SCUBE2: variants seen among roughly 807,000 people sequenced by gnomAD.
SCUBE2 encodes signal peptide, CUB domain and EGF like domain containing 2.
A neutral mutation model predicts 125.9 loss-of-function variants in SCUBE2; 114 were observed. That is an observed-to-expected ratio of 0.91 (90% CI 0.78 to 1.06). The LOEUF (loss-of-function observed/expected upper bound fraction) is 1.06. Among genes scored for constraint, SCUBE2 ranks in the 50% least tolerant of loss-of-function variants. The pLI is 0.00. For missense variants in SCUBE2, 1,255 were observed against 1,301.8 expected (o/e 0.96, Z 0.55); for synonymous variants, 459 against 492.9 (o/e 0.93, Z 0.91).
chr11:9,021,291 G>T, intron 22 of SCUBE2, 94 bp from the exon 23 acceptor site: 1 of 1,050,634 alleles, frequency 9.5e-7, no homozygotes, highest in Non-Finnish European at 1.3e-6. Flanking sequence ...TTAGGCCGTA[G>T]CTTGCTTAGC....
Position 9,062,246 on chromosome 11 carries a change from C to G in SCUBE2, c.851-1722G>C, listed in dbSNP as rs543070185. ...TCCAAAAGCTATGTTAAAATAACAG[C>G]CATTGAAAGTTCCAAAAAGCTATGT... On this transcript the variant is annotated intron_variant, in intron 7 of 22. Coordinates refer to ENST00000649792, the MANE Select transcript of SCUBE2 (RefSeq NM_001367977.2). Among the ~76,000 whole-genome samples, 5 of 152,314 alleles carry G rather than the reference C, an allele frequency of 3.3e-5. No homozygotes were observed. In the South Asian group the frequency reaches 6.2e-4, roughly 19 times the overall value.
At position 9,060,505 on chromosome 11, in the gene SCUBE2, A is replaced by T; in HGVS notation, c.870T>A (p.Asn290Lys). 6.2e-7 allele frequency: 1 copy of T among 1,613,876 alleles called. No homozygotes were observed. Among genetic ancestry groups the T allele is most frequent in the Non-Finnish European group, 8.5e-7 (1 of 1,179,860 alleles). Residue 290 changes from asparagine (N) to lysine (K), a missense_variant, in exon 8 of 23, where the codon AAT becomes AAA. Coordinates refer to ENST00000649792, the MANE Select transcript of SCUBE2 (RefSeq NM_001367977.2). ...CCTTACAGGTGCGGTCACAGCCTCCATTGTTGACAGCACACGTTTCTGGCA... is the reference window on the plus strand; with the variant it reads ...CCTTACAGGTGCGGTCACAGCCTCCTTTGTTGACAGCACACGTTTCTGGCA... ...RLLMETCAVN[N>K]GGCDRTCKDT...
At chr11:9,028,776 G>T (rs573411032) in intron 19 of SCUBE2, among the ~76,000 whole-genome samples, 1 of 152,286 alleles carries the variant, frequency 6.6e-6, no homozygotes, top group African/African-American at 2.4e-5. Context: ...GTGCCATAAG[G>T]CTCCCATGGG....
chr11:9,071,302 AAT>A (rs1215833382), intron 4 of SCUBE2, among the ~76,000 whole-genome samples: 1 of 152,204 alleles, frequency 6.6e-6, no homozygotes, highest in Non-Finnish European at 1.5e-5. Context: ...GCCTCAGAGT[AAT>A]TCACCTACAC....
chr11:9,033,510 C>G, intron 17 of SCUBE2, 116 bp downstream of exon 17: 1 of 1,229,934 alleles, frequency 8.1e-7, no homozygotes, highest in East Asian at 2.3e-5. Flanking sequence ...CAACGTGGTC[C>G]CTGCTTGTAG....
At position 9,025,747 on chromosome 11, in the gene SCUBE2, C is replaced by T. The variant is rs1353830448; in HGVS notation, c.2809G>A (p.Gly937Arg). 3.1e-6 allele frequency: 5 copies of T among 1,614,156 alleles called. No homozygotes were observed. In the East Asian group the frequency reaches 1.1e-4, roughly 36 times the overall value. ...ACCTGGAACCCTCTAGCGCTGTTCC[C>T]TTCATTGGACTTGAACTGAATCCAC... is the stretch of plus-strand genomic sequence containing the variant. ...KLWIQFKSNE[G>R]NSARGFQVPY... The change falls in exon 21 of 23, where the codon GGG (glycine) becomes AGG (arginine). Residue 937 changes from glycine to arginine, a missense_variant. Transcript: ENST00000649792.
intron 6 of SCUBE2, among the ~76,000 whole-genome samples, 157 bp downstream of exon 6, chr11:9,066,540 G>C (rs777462200): frequency 5.3e-5 from 8 of 152,222 alleles, no homozygotes; most frequent in Non-Finnish European, 1.0e-4. Flanking sequence ...CACAGGCCTA[G>C]ACCACTCCCA....
chr11:9,027,287 T>G, intron 20 of SCUBE2, 77 bp downstream of exon 20: 1 of 1,425,062 alleles, frequency 7.0e-7, no homozygotes, highest in East Asian at 2.4e-5. Context: ...GCCTGCCTCC[T>G]CACATTGAAA....
intron 19 of SCUBE2, among the ~76,000 whole-genome samples, chr11:9,028,929 C>G (rs1225065932): frequency 6.6e-6 from 1 of 152,174 alleles, no homozygotes; most frequent in Admixed American, 6.5e-5. Flanking sequence ...CAAGAAGAGA[C>G]TAGATGGAAG....
chr11:9,060,277 G>T (rs1859538752), intron 8 of SCUBE2, 131 bp downstream of exon 8: 1 of 680,494 alleles, frequency 1.5e-6, no homozygotes, highest in Non-Finnish European at 2.6e-6. Context: ...AGCTCCCATT[G>T]ATATGAATCA....
At chr11:9,060,056 T>A (rs75043630) in intron 8 of SCUBE2, among the ~76,000 whole-genome samples, 2 of 152,234 alleles carry the variant, frequency 1.3e-5, no homozygotes, top group African/African-American at 4.8e-5. Flanking sequence ...CTGTTATTTA[T>A]ATAATAATCT....
At chr11:9,031,303 A>AC (rs1457509632) in intron 17 of SCUBE2, 1 of 160,290 alleles carries the variant, frequency 6.2e-6, no homozygotes, top group East Asian at 1.8e-4. Flanking sequence ...ACCCAGAAGT[A>AC]CCCCTTTACC....
chr11:9,080,029 G>C (rs1404765574), intron 2 of SCUBE2, among the ~76,000 whole-genome samples: 1 of 152,156 alleles, frequency 6.6e-6, no homozygotes. Flanking sequence ...GAACAAATTT[G>C]GGGGACTTTA....
chr11:9,061,372 C>T (rs928115152), intron 7 of SCUBE2, among the ~76,000 whole-genome samples: 13 of 149,984 alleles, frequency 8.7e-5, no homozygotes, highest in South Asian at 2.2e-4. Flanking sequence ...GCCTGGGCCA[C>T]GTGGTGAGAC....
chr11:9,021,712 A>AT (rs1240235348), intron 22 of SCUBE2, among the ~76,000 whole-genome samples, 164 bp downstream of exon 22: 3 of 152,190 alleles, frequency 2.0e-5, no homozygotes, highest in Non-Finnish European at 4.4e-5. Flanking sequence ...CAGCAACCTG[A>AT]TTTTTTTAAA....
intron 7 of SCUBE2, among the ~76,000 whole-genome samples, chr11:9,061,094 T>C (rs1859636797): frequency 6.6e-6 from 1 of 152,164 alleles, no homozygotes; most frequent in Non-Finnish European, 1.5e-5. Context: ...AATTGTTAAA[T>C]TGCAACAATG....
At chr11:9,047,228 G>T in intron 16 of SCUBE2, 128 bp downstream of exon 16, 1 of 899,056 alleles carries the variant, frequency 1.1e-6, no homozygotes, top group Non-Finnish European at 1.7e-6. Flanking sequence ...TGAAACAGAA[G>T]CACTGCCCGG....
intron 7 of SCUBE2, 48 bp downstream of exon 7, chr11:9,065,843 G>A: frequency 2.0e-6 from 3 of 1,521,126 alleles, no homozygotes; most frequent in Non-Finnish European, 9.1e-7. Flanking sequence ...AGTTGGGGAG[G>A]GAAAAGGACA....
rs530973218 is a variant in SCUBE2 at position 9,066,694 on chromosome 11, C to T, written c.760+3G>A. ...CTCACTCAGTGTTGGGGTTGCCACTCACCAAGGCAGCTCCTCCCATCTGTG... is the reference window on the plus strand; with the variant it reads ...CTCACTCAGTGTTGGGGTTGCCACTTACCAAGGCAGCTCCTCCCATCTGTG... On this transcript the variant is annotated splice_donor_region_variant and intron_variant, in intron 6 of 22. Transcript: ENST00000649792. The T allele has an allele frequency of 1.2e-6, 2 of 1,613,004 alleles. No homozygotes were observed. The highest frequency in any genetic ancestry group is 2.2e-5 in the South Asian group (2 of 91,032).
Sources: allele counts gnomAD v4.1 joint callset (sites outside exome capture counted in the v4.1 genomes callset), GRCh38; gene constraint gnomAD v4.1.1; transcripts MANE v1.5; gene names NCBI Gene and HGNC (gene_info 2026-07-23, HGNC 2026-07-21).